CHD6: variants seen among roughly 807,000 people sequenced by gnomAD.
The protein encoded by CHD6 is chromodomain helicase DNA binding protein 6, also known as ATP-dependent chromatin remodeler CHD6.
CHD6 carries 50 observed loss-of-function variants against 276.9 expected under a neutral mutation model. The observed-to-expected ratio is 0.18, with a 90% CI of 0.14 to 0.23. The LOEUF is 0.23. Ranked by LOEUF, CHD6 falls within the 10% of genes least tolerant of loss-of-function variation. The probability of loss-of-function intolerance (pLI) is 1.00; values close to 1 mark genes in which losing one functional copy is unlikely to be tolerated. For missense variants in CHD6, 2,564 were observed against 3,365.8 expected (o/e 0.76, Z 5.89); for synonymous variants, 1,173 against 1,229.3 (o/e 0.95, Z 0.96).
chr20:41,493,678 G>T lies in CHD6; in HGVS notation c.1180-6C>A. The T allele has an allele frequency of 6.2e-7, 1 of 1,612,968 alleles. No homozygotes were observed. On this transcript the variant is annotated splice_polypyrimidine_tract_variant and splice_region_variant and intron_variant, in intron 9 of 36. Coordinates refer to ENST00000373233, the MANE Select transcript of CHD6 (RefSeq NM_032221.5). ...ACCAGGTAATGTGTTACCTCCTGGT[G>T]GGAAAACAGGAAAGAAACTTAATGT...
At chr20:41,413,679 C>G in intron 34 of CHD6, 164 bp from the exon 35 acceptor site, 3 of 530,178 alleles carry the variant, frequency 5.7e-6, no homozygotes, top group South Asian at 3.1e-5. Flanking sequence ...CACTGACCCA[C>G]GCCCACATAA....
At chr20:41,486,860 A>G (rs1222212277) in intron 14 of CHD6, among the ~76,000 whole-genome samples, 1 of 150,478 alleles carries the variant, frequency 6.6e-6, no homozygotes, top group Non-Finnish European at 1.5e-5. Flanking sequence ...TTTTTTTTCT[A>G]TGCAGAGTGG....
At chr20:41,548,971 T>A (rs112580130) in intron 2 of CHD6, among the ~76,000 whole-genome samples, 28 of 151,812 alleles carry the variant, frequency 1.8e-4, no homozygotes, top group East Asian at 3.9e-4. Context: ...TAGAATGGCG[T>A]TCATTAAAAA....
chr20:41,579,176 C>T (rs1457010080), intron 1 of CHD6, among the ~76,000 whole-genome samples: 1 of 147,116 alleles, frequency 6.8e-6, no homozygotes, highest in Non-Finnish European at 1.5e-5. Context: ...GTGACTCACG[C>T]CTGTAATCCC....
rs1488056518 is a variant in CHD6, at chr20:41,402,441, C to T, written c.*2152G>A. On this transcript the variant is annotated 3_prime_UTR_variant, in exon 37 of 37. Transcript: ENST00000373233. ...ATGCTGGTGGGTTTTTAAGTCAGAT[C>T]CACATTGAACCCTGTGACCTACCGG... The T allele has an allele frequency of 4.3e-6, 1 of 230,604 alleles. No homozygotes were observed. The highest frequency in any genetic ancestry group is 8.6e-6 in the Non-Finnish European group (1 of 116,478). 14.3% of individuals were successfully genotyped at this position (230,604 alleles called of 1,614,324 possible). A position where few individuals can be genotyped will look rare whatever the true frequency, so the allele number is the denominator to read the frequency against.
At chr20:41,424,538 A>G (rs1366184566) in intron 29 of CHD6, among the ~76,000 whole-genome samples, 1 of 152,210 alleles carries the variant, frequency 6.6e-6, no homozygotes, top group Non-Finnish European at 1.5e-5. Flanking sequence ...CGAATTTCAT[A>G]AGTCAGGAGT....
intron 1 of CHD6, among the ~76,000 whole-genome samples, chr20:41,586,959 T>A (rs191054541): frequency 3.4e-4 from 51 of 152,224 alleles, no homozygotes; most frequent in Admixed American, 3.3e-3. Flanking sequence ...GGAGGAGGAA[T>A]CCTAGCCAGT....
At position 41,421,406 on chromosome 20, in the gene CHD6, C is replaced by G; in HGVS notation, c.5229G>C (p.Gly1743=). The G allele has an allele frequency of 3.7e-6, 6 of 1,614,084 alleles. No homozygotes were observed. The highest frequency in any genetic ancestry group is 5.1e-6 in the Non-Finnish European group (6 of 1,179,978). ...CCTCAGGGCCACCAGACTGGCAGTTCCCATCTTTGCTTATTGAGATGGTAA... is the reference window on the plus strand; with the variant it reads ...CCTCAGGGCCACCAGACTGGCAGTTGCCATCTTTGCTTATTGAGATGGTAA... ...DVITISISKD[G]NCQSGGPEAE... is the part of the protein sequence containing the mutation. Residue 1743 remains glycine (G), a synonymous_variant, in exon 31 of 37, where the codon GGG becomes GGC. Coordinates refer to ENST00000373233, the MANE Select transcript of CHD6 (RefSeq NM_032221.5).
chr20:41,478,397 G>T (rs2043214279), intron 16 of CHD6, among the ~76,000 whole-genome samples: 1 of 152,156 alleles, frequency 6.6e-6, no homozygotes, highest in Non-Finnish European at 1.5e-5. Context: ...TGAGGGCACT[G>T]GCGAGTTAAC....
rs146425509 is a variant in CHD6, at chr20:41,404,763, T to C, written c.7978A>G (p.Thr2660Ala). The change falls in exon 37 of 37, where the codon ACA becomes GCA. Residue 2660 changes from threonine to alanine, a missense_variant. Thr to Ala is a moderately conservative substitution (Grantham distance 58, BLOSUM62 0). Coordinates refer to ENST00000373233, the MANE Select transcript of CHD6 (RefSeq NM_032221.5). The part of the protein sequence containing the change: ...LESQKRKKKK[T>A]KGDNPNSHPE... ...TGGGAGTTGGGGTTGTCCCCCTTTG[T>C]CTTCTTCTTCTTCCTCTTCTGGCTC... is the stretch of plus-strand genomic sequence containing the variant. The C allele has an allele frequency of 1.7e-5, 27 of 1,604,620 alleles. No homozygotes were observed. The African/African-American group carries it at 2.9e-4, about 18-fold the overall frequency.
At chr20:41,538,083 G>C (rs1331051467) in intron 2 of CHD6, among the ~76,000 whole-genome samples, 2 of 152,208 alleles carry the variant, frequency 1.3e-5, no homozygotes, top group Non-Finnish European at 2.9e-5. Flanking sequence ...TGGGTGCAGT[G>C]GCTCACACCT....
At chr20:41,557,773 G>A (rs537743964) in intron 1 of CHD6, among the ~76,000 whole-genome samples, 1 of 152,206 alleles carries the variant, frequency 6.6e-6, no homozygotes, top group African/African-American at 2.4e-5. Flanking sequence ...CTGTTAACAG[G>A]CCCCTATCCC....
At chr20:41,412,379 A>T (rs1395756798) in intron 35 of CHD6, 116 bp from the exon 36 acceptor site, 2 of 1,223,660 alleles carry the variant, frequency 1.6e-6, no homozygotes, top group African/African-American at 3.0e-5. Flanking sequence ...TCTGCACAGG[A>T]GCTGGCCAGG....
At chr20:41,489,559 T>C (rs1171042974) in intron 12 of CHD6, among the ~76,000 whole-genome samples, 1 of 152,304 alleles carries the variant, frequency 6.6e-6, no homozygotes, top group South Asian at 2.1e-4. Context: ...CTAAAAAAGG[T>C]ATATCTCAGA....
chr20:41,510,685 A>G (rs999659994), intron 5 of CHD6, among the ~76,000 whole-genome samples: 3 of 152,216 alleles, frequency 2.0e-5, no homozygotes, highest in Non-Finnish European at 4.4e-5. Flanking sequence ...GATGCCCTTC[A>G]GGTGCCAGGG....
intron 14 of CHD6, among the ~76,000 whole-genome samples, chr20:41,486,912 C>T (rs1189069865): frequency 6.6e-6 from 1 of 152,022 alleles, no homozygotes; most frequent in African/African-American, 2.4e-5. Flanking sequence ...GCTGCCCATC[C>T]CTCAAGATGC....
chr20:41,587,003 A>C (rs1325900185), intron 1 of CHD6, among the ~76,000 whole-genome samples: 1 of 152,234 alleles, frequency 6.6e-6, no homozygotes, highest in African/African-American at 2.4e-5. Flanking sequence ...AGAAGCCATA[A>C]AGAGTAAACA....
chr20:41,418,554 C>T (rs2047078732), intron 31 of CHD6, among the ~76,000 whole-genome samples: 2 of 151,276 alleles, frequency 1.3e-5, no homozygotes, highest in South Asian at 2.1e-4. Context: ...TGGGGGACCA[C>T]CACTGAAAGG....
intron 10 of CHD6, among the ~76,000 whole-genome samples, chr20:41,492,809 T>C (rs556258108): frequency 6.6e-6 from 1 of 152,354 alleles, no homozygotes; most frequent in East Asian, 1.9e-4. Context: ...TATTCCTAGC[T>C]ACTCAGGAGT....
Sources: allele counts gnomAD v4.1 joint callset (sites outside exome capture counted in the v4.1 genomes callset), GRCh38; gene constraint gnomAD v4.1.1; transcripts MANE v1.5; gene names NCBI Gene and HGNC (gene_info 2026-07-23, HGNC 2026-07-21).